Variants in AFAP1 observed in about 807,000 individuals in gnomAD.
AFAP1 encodes actin filament associated protein 1, also known as actin filament-associated protein 1.
In AFAP1, 75 loss-of-function variants were observed where a neutral mutation model predicts 93.9. The observed-to-expected ratio is 0.80, with a 90% CI of 0.66 to 0.97. The LOEUF is 0.97. Among genes scored for constraint, AFAP1 ranks in the 50% least tolerant of loss-of-function variants. AFAP1 has a pLI of 0.00. For synonymous variants in AFAP1, 517 were observed against 430.7 expected (o/e 1.20, Z -2.48); for missense variants, 1,201 against 1,050.8 (o/e 1.14, Z -1.98).
chr4:7,766,772 GC>G (rs1029847503), intron 17 of AFAP1, among the ~76,000 whole-genome samples: 1 of 152,154 alleles, frequency 6.6e-6, no homozygotes, highest in African/African-American at 2.4e-5. Flanking sequence ...CACACGGCCT[GC>G]CCAGATGAAG....
intron 1 of AFAP1, among the ~76,000 whole-genome samples, chr4:7,928,374 C>T (rs1720884503): frequency 6.6e-6 from 1 of 152,090 alleles, no homozygotes; most frequent in Non-Finnish European, 1.5e-5. Context: ...GGGTAAAATA[C>T]TTTACTAGGT....
intron 10 of AFAP1, among the ~76,000 whole-genome samples, chr4:7,798,629 T>C (rs1210650900): frequency 6.6e-6 from 1 of 152,240 alleles, no homozygotes; most frequent in Non-Finnish European, 1.5e-5. Flanking sequence ...TTCCAATTCT[T>C]GCTGTCGTGT....
At chr4:7,765,271 T>C (rs1714393323) in intron 17 of AFAP1, among the ~76,000 whole-genome samples, 1 of 152,164 alleles carries the variant, frequency 6.6e-6, no homozygotes, top group South Asian at 2.1e-4. Context: ...TCTGCTTCTC[T>C]CTACACACAC....
intron 9 of AFAP1, among the ~76,000 whole-genome samples, chr4:7,801,931 A>AAAAAAAAAAAC (rs1719078152): frequency 6.6e-6 from 1 of 150,974 alleles, no homozygotes; most frequent in African/African-American, 2.4e-5. Flanking sequence ...AAAAAAAAAA[A>AAAAAAAAAAAC]AAAAAAAAAA....
At chr4:7,919,007 C>CT (rs59380639) in intron 1 of AFAP1, among the ~76,000 whole-genome samples, 489 of 37,214 alleles carry the variant, frequency 0.013, 20 homozygotes, top group East Asian at 0.049. Flanking sequence ...AACAGGGCTG[C>CT]GGATGAGACA....
intron 1 of AFAP1, among the ~76,000 whole-genome samples, chr4:7,933,644 G>A (rs888079466): frequency 1.3e-5 from 2 of 152,190 alleles, no homozygotes; most frequent in African/African-American, 2.4e-5. Flanking sequence ...AGGGGAATTG[G>A]AGGGCCTGAC....
At chr4:7,857,184 T>A (rs1482135349) in intron 3 of AFAP1, among the ~76,000 whole-genome samples, 1 of 152,180 alleles carries the variant, frequency 6.6e-6, no homozygotes, top group African/African-American at 2.4e-5. Context: ...AATTGAAATC[T>A]ACTCAGTTAC....
At chr4:7,871,400 G>T (rs1717025449) in intron 2 of AFAP1, among the ~76,000 whole-genome samples, 1 of 152,212 alleles carries the variant, frequency 6.6e-6, no homozygotes, top group Non-Finnish European at 1.5e-5. Context: ...TAGGCAGAGG[G>T]TGCCTAGAGG....
At position 7,774,729 on chromosome 4, in the gene AFAP1, C is replaced by A; in HGVS notation, c.2062+10G>T. On this transcript the variant is annotated intron_variant, in intron 15 of 17. Coordinates refer to ENST00000420658, the MANE Select transcript of AFAP1 (RefSeq NM_001134647.2). ...CATGCACCCTGGGCAGTCACCCACA[C>A]CCTTCATACCGGCGTTCACTTCAAT... 6.2e-7 allele frequency: 1 copy of A among 1,613,710 alleles called. No homozygotes were observed. Among genetic ancestry groups the A allele is most frequent in the Non-Finnish European group, 8.5e-7 (1 of 1,179,812 alleles).
chr4:7,773,254 C>G (rs943896186), intron 15 of AFAP1: 1 of 517,742 alleles, frequency 1.9e-6, no homozygotes, highest in African/African-American at 1.9e-5. Flanking sequence ...CTGATTCTGA[C>G]GAAGGCCAGG....
chr4:7,804,855 C>T (rs1279493581), intron 9 of AFAP1, among the ~76,000 whole-genome samples: 1 of 152,144 alleles, frequency 6.6e-6, no homozygotes, highest in Non-Finnish European at 1.5e-5. Flanking sequence ...AGGAGAGGGG[C>T]CTGCAAGAGG....
chr4:7,818,724 C>A (rs1720699430), intron 7 of AFAP1, among the ~76,000 whole-genome samples: 1 of 152,196 alleles, frequency 6.6e-6, no homozygotes, highest in African/African-American at 2.4e-5. Flanking sequence ...TGGGAAGAGA[C>A]CTTTGGGAAG....
At chr4:7,910,152 C>T (rs1719647181) in intron 1 of AFAP1, among the ~76,000 whole-genome samples, 1 of 152,140 alleles carries the variant, frequency 6.6e-6, no homozygotes, top group Admixed American at 6.5e-5. Flanking sequence ...GGAAAAATGC[C>T]AGTCTGAGGC....
chr4:7,767,032 T>C (rs774796476), intron 17 of AFAP1, among the ~76,000 whole-genome samples: 8 of 152,142 alleles, frequency 5.3e-5, no homozygotes, highest in Non-Finnish European at 7.3e-5. Context: ...GATACACAAG[T>C]GCATTCATGT....
At chr4:7,878,483 G>A (rs1358718484) in intron 1 of AFAP1, among the ~76,000 whole-genome samples, 1 of 152,194 alleles carries the variant, frequency 6.6e-6, no homozygotes, top group Non-Finnish European at 1.5e-5. Flanking sequence ...CTATCAGGAG[G>A]AGGAGCTGCT....
chr4:7,810,736 C>A (rs1448402316), intron 8 of AFAP1, among the ~76,000 whole-genome samples: 1 of 152,226 alleles, frequency 6.6e-6, no homozygotes, highest in Non-Finnish European at 1.5e-5. Flanking sequence ...CAACTCTGGA[C>A]CCGCATGTGG....
At chr4:7,768,134 TC>T (rs1433113534) in intron 17 of AFAP1, among the ~76,000 whole-genome samples, 2 of 152,196 alleles carry the variant, frequency 1.3e-5, no homozygotes, top group African/African-American at 2.4e-5. Flanking sequence ...ACAGGAGGAC[TC>T]CCGTGTTCCA....
rs142932493 is a variant in AFAP1 at position 7,854,586 on chromosome 4, A to G, written c.334+880T>C. Among the ~76,000 whole-genome samples, 589 of 152,354 alleles carry G rather than the reference A, an allele frequency of 3.9e-3. 2 individuals are homozygous for G. The highest frequency in any genetic ancestry group is 5.8e-3 in the Non-Finnish European group (397 of 68,030). On this transcript the variant is annotated intron_variant, in intron 4 of 17. Transcript: ENST00000420658. Reference sequence around the variant, plus strand: ...TCTCTATGTGGCAGGTAACAGTATAACAACTTTGGGGAAAGGGAGAGCATT... The same window carrying G: ...TCTCTATGTGGCAGGTAACAGTATAGCAACTTTGGGGAAAGGGAGAGCATT...
At position 7,759,055 on chromosome 4, in the gene AFAP1, A is replaced by G. The variant is rs879339894; in HGVS notation, c.*4710T>C. 1 of 152,678 alleles carries G rather than the reference A, an allele frequency of 6.5e-6. No homozygotes were observed. Among genetic ancestry groups the G allele is most frequent in the African/African-American group, 2.4e-5 (1 of 41,472 alleles). 9.5% of individuals were successfully genotyped at this position (152,678 alleles called of 1,614,324 possible). A position where few individuals can be genotyped will look rare whatever the true frequency, so the allele number is the denominator to read the frequency against. ...TATGACTTTAGCTTTTAAAAAATAC[A>G]ATAAGGAAATAATTACATTCTTAAT... On this transcript the variant is annotated 3_prime_UTR_variant, in exon 18 of 18. Transcript: ENST00000420658.
Sources: allele counts gnomAD v4.1 joint callset (sites outside exome capture counted in the v4.1 genomes callset), GRCh38; gene constraint gnomAD v4.1.1; transcripts MANE v1.5; gene names NCBI Gene and HGNC (gene_info 2026-07-23, HGNC 2026-07-21).